CHAF1A: variants seen among roughly 807,000 people sequenced by gnomAD.
CHAF1A encodes the protein chromatin assembly factor 1 subunit A.
CHAF1A carries 5 observed loss-of-function variants against 93.2 expected under a neutral mutation model. That is an observed-to-expected ratio of 0.05 (90% CI 0.03 to 0.11). The LOEUF (loss-of-function observed/expected upper bound fraction) is 0.11. Among genes scored for constraint, CHAF1A ranks in the 10% least tolerant of loss-of-function variants. The pLI, the probability that CHAF1A is intolerant of heterozygous loss-of-function variation, is 1.00. For missense variants in CHAF1A, 1,102 were observed against 1,259.9 expected (o/e 0.87, Z 1.90); for synonymous variants, 504 against 510.3 (o/e 0.99, Z 0.17).
At chr19:4,449,325 A>C (rs1974607138), downstream of CHAF1A, 1 of 153,438 alleles carries the variant, frequency 6.5e-6, no homozygotes, top group African/African-American at 2.4e-5. Context: ...CAGGCAGCCC[A>C]GAGCTCCACC....
intron 7 of CHAF1A, among the ~76,000 whole-genome samples, chr19:4,425,135 T>G (rs979406005): frequency 4.6e-5 from 7 of 152,208 alleles, no homozygotes; most frequent in Admixed American, 4.6e-4. Context: ...AGGTGCACAA[T>G]GTGACATTGT....
rs1371688352 is a variant in CHAF1A, at chr19:4,409,869, G to C, written c.960+110G>C. 5 of 1,296,896 alleles carry C rather than the reference G, an allele frequency of 3.9e-6. No individual in the cohort carries two copies. The African/African-American group carries it at 7.4e-5, about 19-fold the overall frequency. The allele number at this position is 1,296,896 out of a possible 1,614,324, so 80.3% of individuals were successfully genotyped here. On this transcript the variant is annotated intron_variant, in intron 3 of 14. Transcript: ENST00000301280. ...TTGTGGCAGAGTGAGCGGGGCCACG[G>C]GCTGGGTCCTGGGACTCGACGTGGA...
chr19:4,442,842 C>T (rs1974419162), intron 14 of CHAF1A, 83 bp from the exon 15 acceptor site: 3 of 1,042,932 alleles, frequency 2.9e-6, no homozygotes, highest in Non-Finnish European at 4.1e-6. Flanking sequence ...GTTGCAGGCC[C>T]CATGAGGCAG....
chr19:4,409,627 C>G lies in CHAF1A; in HGVS notation c.828C>G (p.Pro276=), dbSNP rs780416824. ...AGAGTGAGGTGCTGGAATCTTTCCC[C>G]GAAGAAGACTCTGTACTCAGCCATT... is the stretch of plus-strand genomic sequence containing the variant. ...TPESEVLESF[P]EEDSVLSHSS... is the part of the protein sequence containing the mutation. Residue 276 remains proline (P), a synonymous_variant, in exon 3 of 15, where the codon CCC becomes CCG. Coordinates refer to ENST00000301280, the MANE Select transcript of CHAF1A (RefSeq NM_005483.3). The G allele has an allele frequency of 1.2e-6, 2 of 1,614,134 alleles. No individual in the cohort carries two copies. Among genetic ancestry groups the G allele is most frequent in the Non-Finnish European group, 1.7e-6 (2 of 1,180,018 alleles).
At chr19:4,428,974 C>T (rs2145122918) in intron 8 of CHAF1A, 84 bp downstream of exon 8, 3 of 1,113,298 alleles carry the variant, frequency 2.7e-6, no homozygotes, top group South Asian at 1.4e-5. Context: ...GGGGTGGGAG[C>T]TCTGGGTCCT....
chr19:4,439,698 G>A (rs913208099), intron 13 of CHAF1A, among the ~76,000 whole-genome samples: 3 of 152,256 alleles, frequency 2.0e-5, no homozygotes, highest in Non-Finnish European at 4.4e-5. Flanking sequence ...AGCGTCTACA[G>A]GGGACTCTTA....
At chr19:4,406,041 G>A (rs1008558423) in intron 2 of CHAF1A, 79 bp downstream of exon 2, 74 of 1,159,372 alleles carry the variant, frequency 6.4e-5, no homozygotes, top group Non-Finnish European at 9.3e-5. Flanking sequence ...CTCAGTGGAA[G>A]CCTGGAGCTA....
At chr19:4,423,449 C>T in intron 6 of CHAF1A, 54 bp downstream of exon 6, 2 of 1,609,178 alleles carry the variant, frequency 1.2e-6, no homozygotes, top group Non-Finnish European at 1.7e-6. Context: ...GAAGCAGATG[C>T]CCAAAGTGGA....
intron 4 of CHAF1A, 152 bp downstream of exon 4, chr19:4,418,228 T>C (rs1375355016): frequency 1.1e-5 from 6 of 568,092 alleles, no homozygotes; most frequent in Non-Finnish European, 1.8e-5. Context: ...TTTTAAGTAC[T>C]TGGACTTCAT....
intron 12 of CHAF1A, among the ~76,000 whole-genome samples, chr19:4,432,448 G>A (rs953842986): frequency 1.3e-5 from 2 of 152,128 alleles, no homozygotes; most frequent in Non-Finnish European, 2.9e-5. Flanking sequence ...GTGCTGGAGT[G>A]GGGGCTGTGC....
Position 4,404,451 on chromosome 19 carries a change from A to C in CHAF1A, c.53-1461A>C, listed in dbSNP as rs190912741. Among the ~76,000 whole-genome samples the C allele has an allele frequency of 1.8e-3, 281 of 152,304 alleles. 3 individuals carry two copies. Among genetic ancestry groups the C allele is most frequent in the South Asian group, 0.013 (64 of 4,832 alleles). On this transcript the variant is annotated intron_variant, in intron 1 of 14. Coordinates refer to ENST00000301280, the MANE Select transcript of CHAF1A (RefSeq NM_005483.3). ...CGAAAATAAAGTTAAGTGACTAAAA[A>C]TCATATCCTTCAGTTAGGGGGTAGA...
Position 4,424,925 on chromosome 19 carries a change from G to A in CHAF1A, c.1377+1051G>A, listed in dbSNP as rs148100221. On this transcript the variant is annotated intron_variant, in intron 7 of 14. Coordinates refer to ENST00000301280, the MANE Select transcript of CHAF1A (RefSeq NM_005483.3). ...GCCGGGATTATAGGCGTGAGCCACC[G>A]TGCCCGGCCTAATTTTTTAATTTTT... is the stretch of plus-strand genomic sequence containing the variant. Among the ~76,000 whole-genome samples, 646 of 152,216 alleles carry A rather than the reference G, an allele frequency of 4.2e-3. 7 individuals carry two copies. The highest frequency in any genetic ancestry group is 0.015 in the African/African-American group (619 of 41,524).
intron 13 of CHAF1A, among the ~76,000 whole-genome samples, chr19:4,434,794 A>G (rs1974252196): frequency 6.6e-6 from 1 of 152,122 alleles, no homozygotes; most frequent in African/African-American, 2.4e-5. Flanking sequence ...TCGGTCTCTC[A>G]GACACAGGTA....
chr19:4,442,717 TGGG>T (rs1259434562), intron 14 of CHAF1A, among the ~76,000 whole-genome samples: 1 of 151,948 alleles, frequency 6.6e-6, no homozygotes, highest in African/African-American at 2.4e-5. Context: ...GCCCGGGTGG[TGGG>T]GGGCAGGCAG....
chr19:4,430,208 C>G (rs1974156314), intron 10 of CHAF1A: 1 of 334,338 alleles, frequency 3.0e-6, no homozygotes, highest in Non-Finnish European at 5.6e-6. Flanking sequence ...GATGGAGTCT[C>G]ACTCTATCAC....
At position 4,443,097 on chromosome 19, in the gene CHAF1A, C is replaced by T. The variant is rs57661748; in HGVS notation, c.*72C>T. On this transcript the variant is annotated 3_prime_UTR_variant, in exon 15 of 15. Coordinates refer to ENST00000301280, the MANE Select transcript of CHAF1A (RefSeq NM_005483.3). ...AGCAGATACTTGAACCGACTCAATTCCTGTGTAAAGAGCACTTTGTCCTGC... is the reference window on the plus strand; with the variant it reads ...AGCAGATACTTGAACCGACTCAATTTCTGTGTAAAGAGCACTTTGTCCTGC... The T allele has an allele frequency of 1.7e-4, 173 of 1,011,740 alleles. 2 individuals carry two copies. In the East Asian group the frequency reaches 4.5e-3, roughly 26 times the overall value. 62.7% of individuals were successfully genotyped at this position (1,011,740 alleles called of 1,614,324 possible).
In CHAF1A at chr19:4,422,514, C is replaced by T. The variant is rs1420783566; in HGVS notation, c.1018-52C>T. 50 of 1,508,348 alleles carry T rather than the reference C, an allele frequency of 3.3e-5. No homozygotes were observed. The highest frequency in any genetic ancestry group is 4.5e-5 in the Non-Finnish European group (50 of 1,109,392). The allele number at this position is 1,508,348 out of a possible 1,614,324, so 93.4% of individuals were successfully genotyped here. A position where few individuals can be genotyped will look rare whatever the true frequency, so the allele number is the denominator to read the frequency against. ...TCCTCCATGCTGTGAACCGAGCTTC[C>T]TCCTGGGAGTTGGAGGGAGGGCCAC... On this transcript the variant is annotated intron_variant, in intron 4 of 14. Transcript: ENST00000301280. This position sits in a 1 kb window ranked among gnomAD's most constrained non-coding sequence, Gnocchi z 4.6.
intron 4 of CHAF1A, among the ~76,000 whole-genome samples, chr19:4,418,334 C>T (rs1365514929): frequency 6.6e-6 from 1 of 150,932 alleles, no homozygotes; most frequent in African/African-American, 2.4e-5. Context: ...CTACCACTGT[C>T]TTAATGGTTC....
In CHAF1A at chr19:4,428,656, G is replaced by A; in HGVS notation, c.1378-8G>A. ...CGAAGACCCCATCGGGTCTCTTCTT[G>A]ATTTCAGACCCTGGCCGGCTCCTGT... On this transcript the variant is annotated splice_polypyrimidine_tract_variant and splice_region_variant and intron_variant, in intron 7 of 14. Coordinates refer to ENST00000301280, the MANE Select transcript of CHAF1A (RefSeq NM_005483.3). 1 of 1,612,556 alleles carries A rather than the reference G, an allele frequency of 6.2e-7. No individual in the cohort carries two copies.
Sources: gnomAD v4.1 joint callset for allele counts (sites outside exome capture counted in the v4.1 genomes callset) on GRCh38, gnomAD v4.1.1 for gene constraint, Gnocchi (gnomAD v3.1) non-coding constraint, MANE v1.5 for transcripts, NCBI Gene and HGNC (gene_info 2026-07-23, HGNC 2026-07-21) for gene names.